RANBP2: variants seen among roughly 807,000 people sequenced by gnomAD.
RANBP2 encodes E3 SUMO-protein ligase RanBP2.
Under a neutral mutation model 303.6 loss-of-function variants are expected in RANBP2, and 57 were observed. The observed-to-expected ratio is 0.19, with a 90% CI of 0.15 to 0.23. The LOEUF is 0.23. RANBP2 is among the 10% of genes least tolerant of loss of function. The pLI, the probability that RANBP2 is intolerant of heterozygous loss-of-function variation, is 1.00. For synonymous variants in RANBP2, 1,167 were observed against 1,301.5 expected (o/e 0.90, Z 2.23); for missense variants, 3,138 against 3,780.8 (o/e 0.83, Z 4.46).
At position 108,772,868 on chromosome 2, in the gene RANBP2, A is replaced by T. The variant is rs931289854; in HGVS notation, c.8114A>T (p.Asp2705Val). ...KCRPLEENTADNEKECIIVWE... is the reference protein window; with the variant it reads ...KCRPLEENTAVNEKECIIVWE... ...TGCTTGTGTTGTACTGATTTTTCAGATAATGAGAAAGAATGTATTATTGTT... is the reference window on the plus strand; with the variant it reads ...TGCTTGTGTTGTACTGATTTTTCAGTTAATGAGAAAGAATGTATTATTGTT... The change falls in exon 23 of 29, where the codon GAT (aspartate) becomes GTT (valine). Residue 2705 changes from aspartate (D) to valine (V), a missense_variant and splice_region_variant. Asp to Val is a radical substitution (Grantham distance 152). Transcript: ENST00000283195. 1 of 1,613,684 alleles carries T rather than the reference A, an allele frequency of 6.2e-7. No homozygotes were observed. The highest frequency in any genetic ancestry group is 1.7e-5 in the Admixed American group (1 of 60,010).
the RANBP2 span, among the ~76,000 whole-genome samples, chr2:109,389,876 GGGCC>G: frequency 6.6e-6 from 1 of 152,168 alleles, no homozygotes; most frequent in Non-Finnish European, 1.5e-5. Flanking sequence ...GGCTGTGGCT[GGGCC>G]GGCCCTGGGA....
chr2:109,563,845 G>A, the RANBP2 span, among the ~76,000 whole-genome samples: 15 of 152,240 alleles, frequency 9.9e-5, no homozygotes, highest in Non-Finnish European at 1.5e-5. Flanking sequence ...CTGAGGACTG[G>A]TATGGAGGCT....
At chr2:109,459,375 C>T in the RANBP2 span, among the ~76,000 whole-genome samples, 1 of 152,130 alleles carries the variant, frequency 6.6e-6, no homozygotes, top group Non-Finnish European at 1.5e-5. Flanking sequence ...TTCCCCTTCC[C>T]TTCAGAAAGC....
the RANBP2 span, among the ~76,000 whole-genome samples, chr2:109,015,235 G>C: frequency 1.3e-5 from 2 of 149,332 alleles, no homozygotes; most frequent in African/African-American, 2.5e-5. Context: ...ACCTGGGTTT[G>C]AACTACTGGG....
the RANBP2 span, among the ~76,000 whole-genome samples, chr2:108,835,093 T>G: frequency 6.6e-6 from 1 of 152,226 alleles, no homozygotes; most frequent in Admixed American, 6.5e-5. Context: ...GCTGCAAATC[T>G]GTGTTGGAAT....
chr2:109,548,081 A>G, the RANBP2 span, among the ~76,000 whole-genome samples: 1 of 152,190 alleles, frequency 6.6e-6, no homozygotes, highest in Admixed American at 6.5e-5. Context: ...TAATGAGAGG[A>G]AATACAGATG....
At chr2:109,414,083 G>C in the RANBP2 span, among the ~76,000 whole-genome samples, 3 of 152,176 alleles carry the variant, frequency 2.0e-5, no homozygotes, top group South Asian at 6.2e-4. Flanking sequence ...GTCTCCTTCT[G>C]TTTATTGGGC....
chr2:109,635,893 G>A, the RANBP2 span, among the ~76,000 whole-genome samples: 2 of 152,188 alleles, frequency 1.3e-5, no homozygotes, highest in Non-Finnish European at 2.9e-5. Context: ...TAAGTGCTAT[G>A]GCATGAATGT....
the RANBP2 span, among the ~76,000 whole-genome samples, chr2:109,102,103 TA>T: frequency 1.3e-5 from 2 of 152,056 alleles, no homozygotes; most frequent in African/African-American, 2.4e-5. Context: ...TATTTTTATT[TA>T]TTTTTTATTT....
chr2:109,360,276 G>A, the RANBP2 span, among the ~76,000 whole-genome samples: 2 of 152,040 alleles, frequency 1.3e-5, no homozygotes, highest in Non-Finnish European at 2.9e-5. Flanking sequence ...AAATACTTAT[G>A]TGTGAATAAT....
the RANBP2 span, among the ~76,000 whole-genome samples, chr2:109,533,257 C>T: frequency 6.6e-6 from 1 of 152,244 alleles, no homozygotes; most frequent in Non-Finnish European, 1.5e-5. Flanking sequence ...AGGGCACTTG[C>T]CCTGCTGCTG....
the RANBP2 span, among the ~76,000 whole-genome samples, chr2:109,412,730 G>A: frequency 6.6e-6 from 1 of 152,152 alleles, no homozygotes; most frequent in Non-Finnish European, 1.5e-5. Context: ...AATGTTTCAG[G>A]AAACCATTGT....
chr2:108,979,184 C>T, the RANBP2 span, among the ~76,000 whole-genome samples: 1 of 152,146 alleles, frequency 6.6e-6, no homozygotes, highest in Non-Finnish European at 1.5e-5. Flanking sequence ...AGTACTTGAC[C>T]CTTACTTAAG....
At chr2:109,302,691 T>C in the RANBP2 span, among the ~76,000 whole-genome samples, 1 of 152,216 alleles carries the variant, frequency 6.6e-6, no homozygotes, top group African/African-American at 2.4e-5. Context: ...AGTCCTGCCA[T>C]TGGAAGTGAT....
the RANBP2 span, among the ~76,000 whole-genome samples, chr2:109,248,541 G>A: frequency 6.6e-6 from 1 of 152,222 alleles, no homozygotes; most frequent in Non-Finnish European, 1.5e-5. Flanking sequence ...TTACTACCCT[G>A]TAGTTAATTC....
the RANBP2 span, among the ~76,000 whole-genome samples, chr2:108,998,283 C>T: frequency 3.9e-5 from 6 of 152,314 alleles, no homozygotes; most frequent in South Asian, 2.1e-4. Flanking sequence ...ACCTGCCCCT[C>T]GGATAATGCT....
the RANBP2 span, among the ~76,000 whole-genome samples, chr2:109,276,460 C>T: frequency 1.3e-5 from 2 of 152,094 alleles, no homozygotes. Flanking sequence ...CCAGGGAGGG[C>T]AAGAAGCTTT....
chr2:109,697,485 TAAAAAAA>T, the RANBP2 span, among the ~76,000 whole-genome samples: 1 of 139,352 alleles, frequency 7.2e-6, no homozygotes, highest in Admixed American at 7.2e-5. Flanking sequence ...AACTCTGTCT[TAAAAAAA>T]AAAAAAAAAG....
rs1293009756 is a variant in RANBP2 at position 108,737,425 on chromosome 2, G to A, written c.782+1176G>A. Among the ~76,000 whole-genome samples the A allele has an allele frequency of 1.2e-4, 18 of 145,682 alleles. No individual in the cohort carries two copies. In the East Asian group the frequency reaches 3.2e-3, roughly 26 times the overall value. Reference sequence around the variant, plus strand: ...ACGACCTTGGCTCACTGTAACCTCCGCCTCCCTGGTTCAGGCGATTCTCCT... The same window carrying A: ...ACGACCTTGGCTCACTGTAACCTCCACCTCCCTGGTTCAGGCGATTCTCCT... On this transcript the variant is annotated intron_variant, in intron 6 of 28. Transcript: ENST00000283195.
Sources: allele counts gnomAD v4.1 joint callset (sites outside exome capture counted in the v4.1 genomes callset), GRCh38; gene constraint gnomAD v4.1.1; transcripts MANE v1.5; gene names NCBI Gene and HGNC (gene_info 2026-07-23, HGNC 2026-07-21).